The following USP13 variants were observed in gnomAD, a reference collection of about 807,000 sequenced individuals.
USP13 encodes the protein ubiquitin specific peptidase 13, also known as ubiquitin carboxyl-terminal hydrolase 13.
Under a neutral mutation model 107.8 loss-of-function variants are expected in USP13, and 68 were observed. That is an observed-to-expected ratio of 0.63 (90% CI 0.52 to 0.77). The LOEUF (loss-of-function observed/expected upper bound fraction) is 0.77. Ranked by LOEUF, USP13 falls within the 30% of genes least tolerant of loss-of-function variation. The pLI, the probability that USP13 is intolerant of heterozygous loss-of-function variation, is 0.00. For missense variants in USP13, 945 were observed against 1,093.3 expected (o/e 0.86, Z 1.91); for synonymous variants, 377 against 389.5 (o/e 0.97, Z 0.38).
intron 19 of USP13, among the ~76,000 whole-genome samples, chr3:179,766,628 T>C (rs974162131): frequency 1.3e-4 from 20 of 152,214 alleles, no homozygotes; most frequent in Admixed American, 5.9e-4. Context: ...CAAACACTTA[T>C]GTATGTCACT....
chr3:179,681,826 TG>T, intron 1 of USP13, 51 bp from the exon 2 acceptor site: 1 of 1,575,882 alleles, frequency 6.3e-7, no homozygotes, highest in Non-Finnish European at 8.6e-7. Context: ...TTTCTACATC[TG>T]ACTACTGGGC....
At chr3:179,769,992 G>T (rs1034421239) in intron 19 of USP13, among the ~76,000 whole-genome samples, 12 of 152,158 alleles carry the variant, frequency 7.9e-5, no homozygotes, top group Non-Finnish European at 1.2e-4. Flanking sequence ...ACACAGCAGG[G>T]GGCCACATCC....
intron 3 of USP13, among the ~76,000 whole-genome samples, chr3:179,699,115 C>T (rs1016296506): frequency 6.6e-6 from 1 of 152,138 alleles, no homozygotes; most frequent in African/African-American, 2.4e-5. Context: ...GATCCACCTG[C>T]CTCGGCCTTC....
At chr3:179,740,740 C>CTT (rs1409755363) in intron 11 of USP13, among the ~76,000 whole-genome samples, 1 of 151,784 alleles carries the variant, frequency 6.6e-6, no homozygotes, top group Non-Finnish European at 1.5e-5. Context: ...GATGAGTCTG[C>CTT]TTACATCAGA....
chr3:179,677,225 C>A (rs1323908249), intron 1 of USP13, among the ~76,000 whole-genome samples: 2 of 151,816 alleles, frequency 1.3e-5, no homozygotes, highest in African/African-American at 4.8e-5. Context: ...AATAATTTTT[C>A]TCTTTGATTA....
chr3:179,756,284 G>A (rs1032485076), intron 15 of USP13, among the ~76,000 whole-genome samples: 8 of 152,124 alleles, frequency 5.3e-5, no homozygotes, highest in African/African-American at 1.4e-4. Context: ...TTCACTGGGC[G>A]TGGCCACACT....
chr3:179,743,884 CACA>C (rs1714295947), intron 12 of USP13, among the ~76,000 whole-genome samples: 1 of 148,120 alleles, frequency 6.8e-6, no homozygotes, highest in Non-Finnish European at 1.5e-5. Flanking sequence ...TTTAGGAAAA[CACA>C]TATGTGCGTA....
chr3:179,655,776 C>T (rs143505790), intron 1 of USP13, among the ~76,000 whole-genome samples: 48 of 152,192 alleles, frequency 3.2e-4, no homozygotes, highest in Non-Finnish European at 2.9e-5. Context: ...TGCTCTCGAA[C>T]TCCTGACCTC....
Position 179,707,371 on chromosome 3 carries a change from A to G in USP13, c.620+295A>G, listed in dbSNP as rs1258805810. On this transcript the variant is annotated intron_variant, in intron 5 of 20. Transcript: ENST00000263966. ...AGCCAGTTATGCCAGTGCACGGGAC[A>G]GTCAGAAACATCAGAGTGAAGCTCC... Among the ~76,000 whole-genome samples the G allele has an allele frequency of 2.6e-5, 4 of 152,138 alleles. No individual in the cohort carries two copies. In the East Asian group the frequency reaches 7.7e-4, roughly 29 times the overall value.
chr3:179,782,622 G>A (rs1715785658), intron 20 of USP13, among the ~76,000 whole-genome samples: 1 of 152,114 alleles, frequency 6.6e-6, no homozygotes, highest in African/African-American at 2.4e-5. Context: ...GCCTGAGGGT[G>A]GCCTCTTGCT....
chr3:179,763,642 A>C (rs1468586476), intron 17 of USP13, among the ~76,000 whole-genome samples: 3 of 152,122 alleles, frequency 2.0e-5, no homozygotes, highest in Non-Finnish European at 4.4e-5. Context: ...GCTGGAGTGC[A>C]GTGGTGCAAT....
At chr3:179,697,235 T>G (rs1313689220) in intron 3 of USP13, among the ~76,000 whole-genome samples, 1 of 152,246 alleles carries the variant, frequency 6.6e-6, no homozygotes, top group African/African-American at 2.4e-5. Context: ...CATCTGCCCC[T>G]CTGATAACCA....
chr3:179,749,468 C>T (rs1714520294), intron 13 of USP13, among the ~76,000 whole-genome samples: 1 of 152,000 alleles, frequency 6.6e-6, no homozygotes, highest in African/African-American at 2.4e-5. Flanking sequence ...AAAGAATAAG[C>T]TGAGCATAAT....
At chr3:179,728,729 C>T (rs1258925324) in intron 8 of USP13, among the ~76,000 whole-genome samples, 92 of 152,318 alleles carry the variant, frequency 6.0e-4, no homozygotes, top group South Asian at 4.1e-4. Flanking sequence ...TCTGCAATCC[C>T]GGCACCTCGG....
chr3:179,690,813 A>T (rs1476483511), intron 3 of USP13, among the ~76,000 whole-genome samples: 2 of 152,132 alleles, frequency 1.3e-5, no homozygotes, highest in African/African-American at 4.8e-5. Flanking sequence ...AGCTCAAGCG[A>T]TCCAACTGCC....
intron 4 of USP13, among the ~76,000 whole-genome samples, chr3:179,703,024 G>T (rs1430207325): frequency 1.3e-5 from 2 of 152,076 alleles, no homozygotes; most frequent in Admixed American, 6.5e-5. Flanking sequence ...GTTGTACTTG[G>T]AGTATAATTT....
At chr3:179,684,557 A>G (rs1300283886) in intron 2 of USP13, among the ~76,000 whole-genome samples, 1 of 150,228 alleles carries the variant, frequency 6.7e-6, no homozygotes, top group African/African-American at 2.5e-5. Flanking sequence ...TCCTGAGCCT[A>G]AGCAATCCAC....
chr3:179,715,367 C>CTTTT (rs71182513), intron 6 of USP13, among the ~76,000 whole-genome samples: 11 of 136,274 alleles, frequency 8.1e-5, no homozygotes, highest in Non-Finnish European at 1.4e-4. Flanking sequence ...ATTTTTCTTT[C>CTTTT]TTTTTTTTTT....
intron 6 of USP13, among the ~76,000 whole-genome samples, chr3:179,718,216 T>C (rs553758218): frequency 6.6e-6 from 1 of 152,282 alleles, no homozygotes; most frequent in South Asian, 2.1e-4. Flanking sequence ...CTTAGGTTGG[T>C]TCTTCACCAA....
Sources: gnomAD v4.1 joint callset for allele counts (sites outside exome capture counted in the v4.1 genomes callset) on GRCh38, gnomAD v4.1.1 for gene constraint, MANE v1.5 for transcripts, NCBI Gene and HGNC (gene_info 2026-07-23, HGNC 2026-07-21) for gene names.